NKTR: variants seen among roughly 807,000 people sequenced by gnomAD.
NKTR encodes the protein NK-tumor recognition protein.
NKTR carries 67 observed loss-of-function variants against 156.3 expected under a neutral mutation model. That is an observed-to-expected ratio of 0.43 (90% CI 0.35 to 0.53). NKTR has a LOEUF of 0.53. NKTR is among the 20% of genes least tolerant of loss of function. The pLI is 0.01. For missense variants in NKTR, 1,604 were observed against 1,730.9 expected (o/e 0.93, Z 1.30); for synonymous variants, 640 against 596.6 (o/e 1.07, Z -1.06).
At chr3:42,604,282 A>G (rs1165328896) in intron 2 of NKTR, among the ~76,000 whole-genome samples, 1 of 151,888 alleles carries the variant, frequency 6.6e-6, no homozygotes. Context: ...TTTGTTTTCA[A>G]TTTCATTGTT....
intron 2 of NKTR, among the ~76,000 whole-genome samples, chr3:42,613,075 G>A (rs1229462063): frequency 1.3e-5 from 2 of 151,942 alleles, no homozygotes; most frequent in African/African-American, 2.4e-5. Flanking sequence ...AAGTCTCTGG[G>A]GATATAGTGG....
chr3:42,611,473 C>A (rs1009874156), intron 2 of NKTR, among the ~76,000 whole-genome samples: 2 of 152,036 alleles, frequency 1.3e-5, no homozygotes, highest in Admixed American at 6.6e-5. Flanking sequence ...GGCATGGTGG[C>A]CTGTAATCCC....
chr3:42,645,623 G>T (rs1710294444), intron 16 of NKTR, among the ~76,000 whole-genome samples: 1 of 152,166 alleles, frequency 6.6e-6, no homozygotes. Flanking sequence ...GGTGGAGGTT[G>T]CAGTGAGTTG....
At chr3:42,622,303 T>A (rs1311469230) in intron 6 of NKTR, among the ~76,000 whole-genome samples, 1 of 152,108 alleles carries the variant, frequency 6.6e-6, no homozygotes, top group Non-Finnish European at 1.5e-5. Context: ...TTATCATAAT[T>A]CTATCATATA....
At chr3:42,602,111 T>G (rs899707481) in intron 2 of NKTR, 4 of 152,012 alleles carry the variant, frequency 2.6e-5, no homozygotes, top group Admixed American at 1.3e-4. Context: ...AGGTGAGGAG[T>G]AGTATACAGT....
chr3:42,610,668 A>G (rs1224796000), intron 2 of NKTR, among the ~76,000 whole-genome samples: 2 of 151,834 alleles, frequency 1.3e-5, no homozygotes, highest in East Asian at 3.9e-4. Context: ...AGATTTCCTA[A>G]TGTTGAATAG....
chr3:42,622,168 A>G (rs569341784), intron 6 of NKTR, among the ~76,000 whole-genome samples: 2 of 152,232 alleles, frequency 1.3e-5, no homozygotes, highest in African/African-American at 4.8e-5. Flanking sequence ...GAAAAAGCAA[A>G]TATATTTACA....
In NKTR at chr3:42,600,939, CGCCCTCGCCCCT is replaced by C. The variant is rs1238129925; in HGVS notation, c.-23-39_-23-28del. The C allele has an allele frequency of 7.2e-6, 9 of 1,254,818 alleles. No individual in the cohort carries two copies. In the Admixed American group the frequency reaches 1.4e-4, roughly 20 times the overall value. The allele number at this position is 1,254,818 out of a possible 1,614,324, so 77.7% of individuals were successfully genotyped here. A position where few individuals can be genotyped will look rare whatever the true frequency, so the allele number is the denominator to read the frequency against. The stretch of plus-strand genomic sequence containing the variant: ...CCGCCCTCGCCCCTGCCCTCGCCCC[CGCCCTCGCCCCT>C]GCCCTGACCGCTTTTCTCCCCCTCT... On this transcript the variant is annotated intron_variant, in intron 1 of 16. Coordinates refer to ENST00000232978, the MANE Select transcript of NKTR (RefSeq NM_005385.4).
In NKTR at chr3:42,644,468, A is replaced by G. The variant is rs182151989; in HGVS notation, c.4301+465A>G. On this transcript the variant is annotated intron_variant, in intron 16 of 16. Coordinates refer to ENST00000232978, the MANE Select transcript of NKTR (RefSeq NM_005385.4). Reference sequence around the variant, plus strand: ...ATGTATTATATGTATTATGTTTAACATATTTTGGCTTCTGCAAAAGTCTTT... The same window carrying G: ...ATGTATTATATGTATTATGTTTAACGTATTTTGGCTTCTGCAAAAGTCTTT... Among the ~76,000 whole-genome samples the G allele has an allele frequency of 4.6e-5, 7 of 152,310 alleles. No individual in the cohort carries two copies. In the East Asian group the frequency reaches 1.3e-3, roughly 29 times the overall value.
Position 42,617,633 on chromosome 3 carries a change from G to GC in NKTR, c.123dup (p.Cys43ValfsTer18). 6.3e-7 allele frequency: 1 copy of GC among 1,583,314 alleles called. No homozygotes were observed. The highest frequency in any genetic ancestry group is 1.1e-5 in the South Asian group (1 of 90,446). On this transcript the variant is annotated frameshift_variant, in exon 3 of 17. Transcript: ENST00000232978. LOFTEE classifies it high-confidence loss of function. ...CCAAAAACATGCAAAAACTTCCTTT[G>GC]CTTGTGCTCAGGTAAGTGAATTATT... is the stretch of plus-strand genomic sequence containing the variant.
intron 6 of NKTR, among the ~76,000 whole-genome samples, chr3:42,622,204 C>CG (rs1707980700): frequency 6.6e-6 from 1 of 152,054 alleles, no homozygotes; most frequent in African/African-American, 2.4e-5. Context: ...CAACCAAAAA[C>CG]TTACCTTTTT....
chr3:42,631,309 A>G lies in NKTR; in HGVS notation c.543A>G (p.Ile181Met). 6.2e-7 allele frequency: 1 copy of G among 1,613,478 alleles called. No individual in the cohort carries two copies. The highest frequency in any genetic ancestry group is 8.5e-7 in the Non-Finnish European group (1 of 1,179,668). ...IDCGVLATKS[I>M]KDVFEKKRKK... ...GTGGAGTACTTGCCACAAAATCAAT[A>G]AAAGATGGTAAGAACTTTTTTGACA... The change falls in exon 8 of 17, where the codon ATA (isoleucine) becomes ATG (methionine). Residue 181 changes from isoleucine (I) to methionine (M), a missense_variant. By Grantham distance (10) the Ile-to-Met change is conservative. Around this residue, in one of 6 missense-constraint regions of NKTR, gnomAD observed 1,255 missense variants for 1,243.7 expected, o/e 1.01. Transcript: ENST00000232978.
rs1240675491 is a variant in NKTR, at chr3:42,606,080, G to A, written c.58+5016G>A. Among the ~76,000 whole-genome samples, 3 of 152,128 alleles carry A rather than the reference G, an allele frequency of 2.0e-5. No individual in the cohort carries two copies. The East Asian group carries it at 5.8e-4, about 29-fold the overall frequency. ...CTTGTTTGTCCTAACTGATTTGAAG[G>A]CCACTGTGCTAATGACAGTGCTGGG... On this transcript the variant is annotated intron_variant, in intron 2 of 16. Transcript: ENST00000232978.
chr3:42,624,724 T>C (rs1708218959), intron 6 of NKTR, among the ~76,000 whole-genome samples: 1 of 152,156 alleles, frequency 6.6e-6, no homozygotes, highest in Admixed American at 6.6e-5. Flanking sequence ...ACCACTCTGC[T>C]CTGAATTTAT....
At position 42,633,750 on chromosome 3, in the gene NKTR, T is replaced by A. The variant is rs1306263537; in HGVS notation, c.929+15T>A. ...GAACCTGAACCGTAAGTAGGATGAC[T>A]AAACTATTTATTTTTATTTCTCCGA... On this transcript the variant is annotated intron_variant, in intron 10 of 16. Coordinates refer to ENST00000232978, the MANE Select transcript of NKTR (RefSeq NM_005385.4). The A allele has an allele frequency of 1.2e-6, 2 of 1,613,486 alleles. No individual in the cohort carries two copies. The highest frequency in any genetic ancestry group is 1.7e-6 in the Non-Finnish European group (2 of 1,179,622).
intron 6 of NKTR, among the ~76,000 whole-genome samples, chr3:42,626,025 C>T (rs1458284398): frequency 6.6e-6 from 1 of 152,066 alleles, no homozygotes; most frequent in Non-Finnish European, 1.5e-5. Context: ...CAAGTGTTGT[C>T]ATTCTGTACA....
chr3:42,628,015 T>C (rs908627230), intron 6 of NKTR: 7 of 985,400 alleles, frequency 7.1e-6, no homozygotes, highest in Non-Finnish European at 8.4e-6. Context: ...CTTTGGCTAA[T>C]GTCCTCTGTT....
chr3:42,633,139 A>G, intron 9 of NKTR: 1 of 538,668 alleles, frequency 1.9e-6, no homozygotes, highest in East Asian at 7.7e-5. Context: ...TCCTGGGCTC[A>G]AGAGATCTTT....
At chr3:42,627,994 T>C in intron 6 of NKTR, 1 of 985,404 alleles carries the variant, frequency 1.0e-6, no homozygotes, top group Non-Finnish European at 1.2e-6. Flanking sequence ...TCTCCGCCCT[T>C]TTGTAACCCT....
Sources: allele counts gnomAD v4.1 joint callset (sites outside exome capture counted in the v4.1 genomes callset), GRCh38; gene constraint gnomAD v4.1.1; regional missense constraint gnomAD v4.1.1; transcripts MANE v1.5; gene names NCBI Gene and HGNC (gene_info 2026-07-23, HGNC 2026-07-21).